The following SUPT3H variants were observed in gnomAD, a reference collection of about 807,000 sequenced individuals.
SUPT3H encodes SPT3 homolog, SAGA and STAGA complex component.
SUPT3H carries 44 observed loss-of-function variants against 44.3 expected under a neutral mutation model. The observed-to-expected ratio is 0.99, with a 90% confidence interval of 0.78 to 1.28. The LOEUF (loss-of-function observed/expected upper bound fraction) is 1.28, where lower values mean the gene tolerates loss of function less well. SUPT3H is among the 50% of genes most tolerant of loss of function. The pLI is 0.00. For synonymous variants in SUPT3H, 124 were observed against 125.6 expected, an observed-to-expected ratio of 0.99 and a Z score of 0.09; for missense variants, 380 against 387.1, an observed-to-expected ratio of 0.98 and a Z score of 0.15.
intron 2 of SUPT3H, among the ~76,000 whole-genome samples, chr6:45,303,245 T>C (rs1021401682): frequency 6.6e-6 from 1 of 151,864 alleles, no homozygotes; most frequent in Admixed American, 6.6e-5. Flanking sequence ...AAAGCAAATA[T>C]AACAAAAACA....
intron 2 of SUPT3H, chr6:45,321,796 C>G: frequency 6.2e-7 from 1 of 1,600,182 alleles, no homozygotes; most frequent in Non-Finnish European, 8.5e-7. Context: ...CACTACTTAC[C>G]TGCCAGAATC....
At chr6:45,190,811 T>C (rs1584154216) in intron 2 of SUPT3H, among the ~76,000 whole-genome samples, 1 of 152,088 alleles carries the variant, frequency 6.6e-6, no homozygotes, top group East Asian at 1.9e-4. Context: ...CATACACACA[T>C]AGCAAATAAG....
chr6:44,973,724 A>C lies in SUPT3H; in HGVS notation c.505-11896T>G, dbSNP rs1280720942. Among the ~76,000 whole-genome samples, 3 of 152,208 alleles carry C rather than the reference A, an allele frequency of 2.0e-5. No homozygotes were observed. The East Asian group carries it at 5.8e-4, about 29-fold the overall frequency. On this transcript the variant is annotated intron_variant, in intron 6 of 10. Transcript: ENST00000371459. ...GGTAATTTATAAAGGAAAATGGTTT[A>C]ATTGACTCACAGTTCTGCAGGGCTG...
At chr6:45,371,410 T>C (rs897976842) in intron 1 of SUPT3H, among the ~76,000 whole-genome samples, 15 of 151,290 alleles carry the variant, frequency 9.9e-5, no homozygotes, top group Admixed American at 2.6e-4. Context: ...TTTTTTTTTT[T>C]CACAATTACC....
At chr6:45,171,078 C>T (rs1810689079) in intron 2 of SUPT3H, among the ~76,000 whole-genome samples, 1 of 152,124 alleles carries the variant, frequency 6.6e-6, no homozygotes, top group Non-Finnish European at 1.5e-5. Context: ...AAAGGACATA[C>T]TGGTTCTATA....
chr6:45,179,566 G>A (rs1226424262), intron 2 of SUPT3H, among the ~76,000 whole-genome samples: 1 of 152,122 alleles, frequency 6.6e-6, no homozygotes, highest in Non-Finnish European at 1.5e-5. Context: ...ATGCAAGGCT[G>A]GTTCAATATA....
At chr6:44,900,894 T>C (rs567869016) in intron 10 of SUPT3H, among the ~76,000 whole-genome samples, 3 of 152,316 alleles carry the variant, frequency 2.0e-5, no homozygotes, top group African/African-American at 7.2e-5. Flanking sequence ...CCTCCGCTTT[T>C]GATACCCAGG....
chr6:45,340,835 T>C (rs1789633342), intron 2 of SUPT3H, among the ~76,000 whole-genome samples: 1 of 152,148 alleles, frequency 6.6e-6, no homozygotes, highest in Admixed American at 6.6e-5. Flanking sequence ...AATATGATTA[T>C]AATCATAGGC....
intron 2 of SUPT3H, chr6:45,328,182 A>AG: frequency 1.1e-6 from 1 of 910,878 alleles, no homozygotes; most frequent in Non-Finnish European, 1.5e-6. Flanking sequence ...AGAAAGAGCA[A>AG]GGGGGAAAAG....
intron 2 of SUPT3H, among the ~76,000 whole-genome samples, chr6:45,154,783 T>A (rs1314450861): frequency 1.3e-5 from 2 of 152,146 alleles, no homozygotes; most frequent in Non-Finnish European, 2.9e-5. Flanking sequence ...GGTTATTGGG[T>A]AATCATTCTC....
At chr6:44,931,773 T>C (rs558916318) in intron 10 of SUPT3H, among the ~76,000 whole-genome samples, 7 of 152,024 alleles carry the variant, frequency 4.6e-5, no homozygotes, top group Non-Finnish European at 8.8e-5. Flanking sequence ...TAACTAAACA[T>C]AAGGAAAAAA....
At chr6:45,148,698 C>A (rs1208006685) in intron 2 of SUPT3H, among the ~76,000 whole-genome samples, 1 of 152,102 alleles carries the variant, frequency 6.6e-6, no homozygotes, top group Non-Finnish European at 1.5e-5. Flanking sequence ...TCTGCTTCCA[C>A]GAGGGAATTC....
chr6:45,220,635 CT>C (rs1259245053), intron 2 of SUPT3H, among the ~76,000 whole-genome samples: 4 of 152,184 alleles, frequency 2.6e-5, no homozygotes, highest in Non-Finnish European at 2.9e-5. Context: ...CAAAATATAA[CT>C]GTTCCTACTT....
intron 6 of SUPT3H, among the ~76,000 whole-genome samples, chr6:44,985,079 C>T (rs1328834858): frequency 6.6e-6 from 1 of 151,610 alleles, no homozygotes; most frequent in Non-Finnish European, 1.5e-5. Context: ...CAGCTCATGC[C>T]TGTAATCCTC....
intron 2 of SUPT3H, chr6:45,328,663 T>G: frequency 6.2e-7 from 1 of 1,611,392 alleles, no homozygotes; most frequent in Non-Finnish European, 8.5e-7. Context: ...ATTTTCAGTT[T>G]AAGGCTGCAA....
intron 2 of SUPT3H, among the ~76,000 whole-genome samples, chr6:45,361,199 T>A (rs904217607): frequency 2.6e-5 from 4 of 152,160 alleles, no homozygotes; most frequent in African/African-American, 9.7e-5. Flanking sequence ...CTGATTAAAA[T>A]TTTTTTAATT....
chr6:45,231,587 T>C lies in SUPT3H; in HGVS notation c.102-125581A>G, dbSNP rs1244552773. Among the ~76,000 whole-genome samples the C allele has an allele frequency of 3.9e-5, 6 of 152,324 alleles. No individual in the cohort carries two copies. The East Asian group carries it at 1.2e-3, about 29-fold the overall frequency. ...GTGGGGTGGAGAAACCTTTTTACATTGCATGTGATTGGGGGTCACTAGGCT... is the reference window on the plus strand; with the variant it reads ...GTGGGGTGGAGAAACCTTTTTACATCGCATGTGATTGGGGGTCACTAGGCT... On this transcript the variant is annotated intron_variant, in intron 2 of 10. Transcript: ENST00000371459.
chr6:45,273,670 T>C (rs572998757), intron 2 of SUPT3H, among the ~76,000 whole-genome samples: 3 of 152,330 alleles, frequency 2.0e-5, no homozygotes, highest in Admixed American at 2.0e-4. Flanking sequence ...CAAATAACAA[T>C]ATTTAATTGT....
chr6:45,353,161 T>A (rs1386206959), intron 2 of SUPT3H, among the ~76,000 whole-genome samples: 1 of 152,088 alleles, frequency 6.6e-6, no homozygotes, highest in Non-Finnish European at 1.5e-5. Flanking sequence ...ATTAATCAAC[T>A]TTAAAAGTAA....
Sources: gnomAD v4.1 joint callset for allele counts (sites outside exome capture counted in the v4.1 genomes callset) on GRCh38, gnomAD v4.1.1 for gene constraint, MANE v1.5 for transcripts, NCBI Gene and HGNC (gene_info 2026-07-23, HGNC 2026-07-21) for gene names.